Variants in USP34 observed in about 807,000 individuals in gnomAD.
USP34 encodes the protein ubiquitin specific peptidase 34.
Under a neutral mutation model 460.3 loss-of-function variants are expected in USP34, and 70 were observed. The ratio of observed to expected loss-of-function variants is 0.15; its 90% CI spans 0.13 to 0.19. The LOEUF is 0.19. Among genes scored for constraint, USP34 ranks in the 10% least tolerant of loss-of-function variants. The pLI is 1.00. For synonymous variants in USP34, 1,647 were observed against 1,405.3 expected (o/e 1.17, Z -3.85); for missense variants, 3,985 against 4,236.2 (o/e 0.94, Z 1.65).
At chr2:61,192,844 T>C (rs754701976) in intron 76 of USP34, 57 bp downstream of exon 76, 169 of 1,454,194 alleles carry the variant, frequency 1.2e-4, no homozygotes, top group African/African-American at 1.4e-4. Context: ...CCTAAAATTA[T>C]TGACCACTTG....
intron 8 of USP34, among the ~76,000 whole-genome samples, chr2:61,371,012 A>T (rs1253943236): frequency 6.6e-6 from 1 of 152,198 alleles, no homozygotes; most frequent in African/African-American, 2.4e-5. Flanking sequence ...TCCCCAAGCC[A>T]AACTGTAAGT....
intron 3 of USP34, among the ~76,000 whole-genome samples, chr2:61,396,212 G>A (rs1047033733): frequency 2.0e-5 from 3 of 152,076 alleles, no homozygotes; most frequent in African/African-American, 7.2e-5. Context: ...AGAGTTACAC[G>A]TGCTTCCATT....
At chr2:61,365,688 A>G (rs1338795614) in intron 10 of USP34, among the ~76,000 whole-genome samples, 1 of 152,154 alleles carries the variant, frequency 6.6e-6, no homozygotes, top group African/African-American at 2.4e-5. Context: ...TAAATATAGC[A>G]TAATACTAAA....
intron 1 of USP34, among the ~76,000 whole-genome samples, chr2:61,439,743 G>A (rs529919130): frequency 6.6e-6 from 1 of 152,306 alleles, no homozygotes; most frequent in East Asian, 1.9e-4. Flanking sequence ...GTGTCTCACC[G>A]CAGGGAGGCA....
chr2:61,310,823 G>A (rs1483474115), intron 27 of USP34, among the ~76,000 whole-genome samples: 1 of 151,856 alleles, frequency 6.6e-6, no homozygotes, highest in African/African-American at 2.4e-5. Context: ...AAAAACTATT[G>A]GGTTAAAGTG....
chr2:61,307,223 C>A (rs1453297741), intron 27 of USP34, among the ~76,000 whole-genome samples: 1 of 150,608 alleles, frequency 6.6e-6, no homozygotes, highest in East Asian at 2.0e-4. Context: ...GGACAAAAAT[C>A]CAAACACCGC....
At chr2:61,229,464 AAAAAAAAAAAAC>A (rs1257677428) in intron 59 of USP34, 72 bp downstream of exon 59, 76 of 635,370 alleles carry the variant, frequency 1.2e-4, no homozygotes, top group South Asian at 2.7e-4. Flanking sequence ...TCTTAAAAAA[AAAAAAAAAAAAC>A]AAAAAAAAAA....
intron 23 of USP34, 84 bp from the exon 24 acceptor site, chr2:61,315,058 C>G (rs1033864177): frequency 2.1e-6 from 2 of 957,326 alleles, no homozygotes; most frequent in Admixed American, 4.9e-5. Context: ...AAGTAAAAAT[C>G]ATAGGCAACT....
chr2:61,311,546 A>G lies in USP34; in HGVS notation c.3811T>C (p.Phe1271Leu). Residue 1271 changes from phenylalanine to leucine, a missense_variant, in exon 27 of 80, where the codon TTT (phenylalanine) becomes CTT (leucine). Coordinates refer to ENST00000398571, the MANE Select transcript of USP34 (RefSeq NM_014709.4). ...EFGQSNRKGE[F>L]PGGLMGPVRM... ...TTTGAATTGAAAGGCTTACCAGGAA[A>G]CTCTCCTTTTCGGTTGCTTTGACCA... 2 of 1,580,906 alleles carry G rather than the reference A, an allele frequency of 1.3e-6. No homozygotes were observed. The highest frequency in any genetic ancestry group is 1.7e-6 in the Non-Finnish European group (2 of 1,166,116).
At position 61,390,940 on chromosome 2, in the gene USP34, C is replaced by G. The variant is rs572087101; in HGVS notation, c.753+3913G>C. On this transcript the variant is annotated intron_variant, in intron 5 of 79. Transcript: ENST00000398571. ...TGAAACCCCATCTCTACTAAAAATA[C>G]AAAAATTAGCTGGGCATGGTGGTGC... Among the ~76,000 whole-genome samples, 13 of 151,850 alleles carry G rather than the reference C, an allele frequency of 8.6e-5. No homozygotes were observed. In the South Asian group the frequency reaches 2.7e-3, roughly 32 times the overall value.
intron 5 of USP34, 107 bp from the exon 6 acceptor site, chr2:61,383,443 G>A (rs529329315): frequency 3.8e-5 from 28 of 729,942 alleles, no homozygotes; most frequent in African/African-American, 5.4e-5. Flanking sequence ...GGTCGCTCAC[G>A]CCTGTAATCC....
At chr2:61,265,585 C>T (rs1168086680) in intron 42 of USP34, 28 bp from the exon 43 acceptor site, 3 of 1,568,730 alleles carry the variant, frequency 1.9e-6, no homozygotes, top group African/African-American at 1.4e-5. Context: ...AGGAAAAGAT[C>T]CCCCCCAAAC....
intron 69 of USP34, among the ~76,000 whole-genome samples, chr2:61,210,256 G>A (rs183668563): frequency 1.3e-5 from 2 of 152,124 alleles, no homozygotes; most frequent in Admixed American, 1.3e-4. Flanking sequence ...AGTCTTGCAA[G>A]CACCATTCAT....
At chr2:61,391,012 T>C (rs757572118) in intron 5 of USP34, among the ~76,000 whole-genome samples, 33 of 151,922 alleles carry the variant, frequency 2.2e-4, no homozygotes, top group Non-Finnish European at 3.7e-4. Flanking sequence ...GGAGAATCGC[T>C]TGAATCTGGG....
At chr2:61,279,219 G>A (rs1177612647) in intron 39 of USP34, among the ~76,000 whole-genome samples, 2 of 151,856 alleles carry the variant, frequency 1.3e-5, no homozygotes, top group East Asian at 3.8e-4. Flanking sequence ...TAGATTTTAA[G>A]AATTCAGATG....
At chr2:61,207,567 G>A (rs148877401) in intron 70 of USP34, 2 of 152,282 alleles carry the variant, frequency 1.3e-5, no homozygotes, top group East Asian at 1.9e-4. Context: ...TATGTAACTT[G>A]TAAGCTGTGG....
chr2:61,194,020 A>C (rs1686720782), intron 75 of USP34: 1 of 694,850 alleles, frequency 1.4e-6, no homozygotes, highest in Non-Finnish European at 1.8e-6. Flanking sequence ...AAATTTAAAA[A>C]TATGAAAACT....
At chr2:61,358,193 A>AAAATAAATAAATAAAT (rs75593990) in intron 10 of USP34, among the ~76,000 whole-genome samples, 7,899 of 148,598 alleles carry the variant, frequency 0.053, 331 homozygotes, top group South Asian at 0.18. Context: ...GATTCCATCT[A>AAAATAAATAAATAAAT]AAATAAATAA....
chr2:61,267,977 G>A (rs1006578040), intron 41 of USP34, among the ~76,000 whole-genome samples: 3 of 151,022 alleles, frequency 2.0e-5, no homozygotes, highest in East Asian at 3.9e-4. Context: ...GCTGGTCTCG[G>A]CCTCCTGACC....
Sources: allele counts gnomAD v4.1 joint callset (sites outside exome capture counted in the v4.1 genomes callset), GRCh38; gene constraint gnomAD v4.1.1; transcripts MANE v1.5; gene names NCBI Gene and HGNC (gene_info 2026-07-23, HGNC 2026-07-21).